The following STX3 variants were observed in gnomAD, a reference collection of about 807,000 sequenced individuals.
The protein encoded by STX3 is syntaxin 3.
In STX3, 19 loss-of-function variants were observed where a neutral mutation model predicts 40.2. That is an observed-to-expected ratio of 0.47 (90% CI 0.33 to 0.69). The LOEUF (loss-of-function observed/expected upper bound fraction) is 0.69. Ranked by LOEUF, STX3 falls within the 30% of genes least tolerant of loss-of-function variation. STX3 has a pLI of 0.02. For missense variants in STX3, 364 were observed against 366.7 expected, an observed-to-expected ratio of 0.99 and a Z score of 0.06; for synonymous variants, 122 against 132.2, an observed-to-expected ratio of 0.92 and a Z score of 0.53.
intron 1 of STX3, among the ~76,000 whole-genome samples, chr11:59,764,309 A>T (rs1482240669): frequency 6.6e-6 from 1 of 152,228 alleles, no homozygotes; most frequent in Non-Finnish European, 1.5e-5. Context: ...TGGGCATTTA[A>T]TATGTGCCTA....
At chr11:59,795,153 T>C (rs1865435930) in intron 8 of STX3, among the ~76,000 whole-genome samples, 1 of 152,180 alleles carries the variant, frequency 6.6e-6, no homozygotes, top group Non-Finnish European at 1.5e-5. Context: ...GGAGTGCTGG[T>C]CACAGAGAAG....
chr11:59,781,719 A>G (rs908495686), intron 2 of STX3: 20 of 1,591,356 alleles, frequency 1.3e-5, no homozygotes, highest in Non-Finnish European at 1.6e-5. Flanking sequence ...AACTGTGGCC[A>G]TGGTGGGTGC....
chr11:59,766,121 G>A (rs1184637564), intron 1 of STX3, among the ~76,000 whole-genome samples: 1 of 152,146 alleles, frequency 6.6e-6, no homozygotes, highest in African/African-American at 2.4e-5. Context: ...CTTGTCCTGG[G>A]ACCCTTTTGT....
At position 59,755,556 on chromosome 11, in the gene STX3, A is replaced by T. The variant is rs1278572234; in HGVS notation, c.-50A>T. The T allele has an allele frequency of 1.9e-6, 3 of 1,579,574 alleles. No individual in the cohort carries two copies. Among genetic ancestry groups the T allele is most frequent in the Non-Finnish European group, 1.7e-6 (2 of 1,168,818 alleles). On this transcript the variant is annotated 5_prime_UTR_variant, in exon 1 of 11. Coordinates refer to ENST00000337979, the MANE Select transcript of STX3 (RefSeq NM_004177.5). ...CTCACCTGGGAAGCGCTCACCTGGG[A>T]CGCGCTCACCTGGGACGCGCTACCT...
chr11:59,781,364 C>G, intron 2 of STX3: 2 of 1,594,634 alleles, frequency 1.3e-6, no homozygotes, highest in Non-Finnish European at 1.7e-6. Flanking sequence ...TCATGACACA[C>G]TCCACCACTA....
chr11:59,770,694 T>A (rs567452975), intron 1 of STX3, among the ~76,000 whole-genome samples: 7 of 152,184 alleles, frequency 4.6e-5, no homozygotes, highest in African/African-American at 1.2e-4. Flanking sequence ...CAGCTAAAAT[T>A]GGTTAAATTT....
At chr11:59,789,252 T>A in intron 4 of STX3, 1 of 248,624 alleles carries the variant, frequency 4.0e-6, no homozygotes, top group Non-Finnish European at 7.9e-6. Flanking sequence ...AACTTGTCTC[T>A]CTTTTTTTTT....
chr11:59,778,196 A>G (rs187103272), intron 2 of STX3, among the ~76,000 whole-genome samples: 31 of 152,312 alleles, frequency 2.0e-4, no homozygotes, highest in South Asian at 4.1e-4. Flanking sequence ...AAAGAGCGGT[A>G]CATAGGTCCC....
chr11:59,755,647 C>A lies in STX3; in HGVS notation c.30+12C>A, dbSNP rs199563753. 3 of 1,592,026 alleles carry A rather than the reference C, an allele frequency of 1.9e-6. No individual in the cohort carries two copies. ...AGCAGCTGAAGGCCGTGAGTTTCGC[C>A]GCAGGCGGGGTGCTGCCAGGAGGGG... On this transcript the variant is annotated intron_variant, in intron 1 of 10. Coordinates refer to ENST00000337979, the MANE Select transcript of STX3 (RefSeq NM_004177.5).
intron 1 of STX3, among the ~76,000 whole-genome samples, chr11:59,760,019 T>A (rs897990253): frequency 1.3e-5 from 2 of 152,144 alleles, no homozygotes; most frequent in Admixed American, 6.5e-5. Flanking sequence ...CCTCCCCTCT[T>A]CTCTGTACCT....
At position 59,800,983 on chromosome 11, in the gene STX3, A is replaced by T; in HGVS notation, c.*159A>T. On this transcript the variant is annotated 3_prime_UTR_variant, in exon 11 of 11. Coordinates refer to ENST00000337979, the MANE Select transcript of STX3 (RefSeq NM_004177.5). ...TTGCAACCACCCTTGGACCTGACTCAGCTAACAATCTAGCCCTGGGGGAAT... is the reference window on the plus strand; with the variant it reads ...TTGCAACCACCCTTGGACCTGACTCTGCTAACAATCTAGCCCTGGGGGAAT... 6.5e-7 allele frequency: 1 copy of T among 1,533,074 alleles called. No individual in the cohort carries two copies. Among genetic ancestry groups the T allele is most frequent in the South Asian group, 1.2e-5 (1 of 83,752 alleles). 95.0% of individuals were successfully genotyped at this position (1,533,074 alleles called of 1,614,324 possible). A position where few individuals can be genotyped will look rare whatever the true frequency, so the allele number is the denominator to read the frequency against.
chr11:59,767,882 T>G (rs1217261208), intron 1 of STX3, among the ~76,000 whole-genome samples: 3 of 152,160 alleles, frequency 2.0e-5, no homozygotes, highest in Non-Finnish European at 4.4e-5. Context: ...AACGTTTCCC[T>G]TTTTCTAAGT....
At position 59,803,044 on chromosome 11, in the gene STX3, AAT is replaced by A. The variant is rs1865952910; in HGVS notation, c.*2222_*2223del. 1.0e-6 allele frequency: 1 copy of A among 985,438 alleles called. No individual in the cohort carries two copies. The highest frequency in any genetic ancestry group is 1.2e-6 in the Non-Finnish European group (1 of 829,932). 61.0% of individuals were successfully genotyped at this position (985,438 alleles called of 1,614,324 possible). A position where few individuals can be genotyped will look rare whatever the true frequency, so the allele number is the denominator to read the frequency against. ...AATCTAACTTGAATGTCTCACCAAA[AAT>A]AACATTTCTGTTGGCATTCTGGGTC... On this transcript the variant is annotated 3_prime_UTR_variant, in exon 11 of 11. Transcript: ENST00000337979.
intron 9 of STX3, chr11:59,795,855 G>A (rs979878112): frequency 1.4e-4 from 103 of 715,222 alleles, no homozygotes; most frequent in Middle Eastern, 3.9e-4. Flanking sequence ...TTTTCCTAGA[G>A]ACAAGCTGCC....
At chr11:59,766,638 G>A (rs1863298611) in intron 1 of STX3, among the ~76,000 whole-genome samples, 1 of 152,180 alleles carries the variant, frequency 6.6e-6, no homozygotes, top group Non-Finnish European at 1.5e-5. Flanking sequence ...GGAAACAAAT[G>A]TTGTCCCCAA....
chr11:59,755,740 C>G (rs1862676229), intron 1 of STX3, 105 bp downstream of exon 1: 1 of 1,394,142 alleles, frequency 7.2e-7, no homozygotes, highest in Non-Finnish European at 9.4e-7. Flanking sequence ...GAGCCGGAGG[C>G]TTGCCCTCCC....
chr11:59,759,271 C>T (rs1862902264), intron 1 of STX3, among the ~76,000 whole-genome samples: 1 of 152,102 alleles, frequency 6.6e-6, no homozygotes, highest in Non-Finnish European at 1.5e-5. Context: ...AGGCAAGGAT[C>T]CTAGATTGTC....
chr11:59,797,471 C>T (rs879546128), intron 10 of STX3, 75 bp downstream of exon 10: 8 of 1,089,896 alleles, frequency 7.3e-6, no homozygotes, highest in African/African-American at 1.6e-5. Context: ...TTTCAAATTC[C>T]TCTTCTTTCC....
At chr11:59,798,211 T>G (rs993914640) in intron 10 of STX3, among the ~76,000 whole-genome samples, 10 of 112,198 alleles carry the variant, frequency 8.9e-5, no homozygotes, top group African/African-American at 4.5e-4. Context: ...GAATCACTGG[T>G]TTTTTTTTTT....
Sources: allele counts gnomAD v4.1 joint callset (sites outside exome capture counted in the v4.1 genomes callset), GRCh38; gene constraint gnomAD v4.1.1; transcripts MANE v1.5; gene names NCBI Gene and HGNC (gene_info 2026-07-23, HGNC 2026-07-21).